Variants in MGAT4C observed in about 807,000 individuals in gnomAD.
MGAT4C encodes the protein MGAT4 family member C.
In MGAT4C, 19 loss-of-function variants were observed where a neutral mutation model predicts 40.1. The ratio of observed to expected loss-of-function variants is 0.47; its 90% CI spans 0.33 to 0.70. The LOEUF (loss-of-function observed/expected upper bound fraction) is 0.70. Ranked by LOEUF, MGAT4C falls within the 30% of genes least tolerant of loss-of-function variation. The probability of loss-of-function intolerance (pLI) is 0.02; values close to 1 mark genes in which losing one functional copy is unlikely to be tolerated. For missense variants in MGAT4C, 491 were observed against 563.2 expected, an observed-to-expected ratio of 0.87 and a Z score of 1.30; for synonymous variants, 181 against 187.1, an observed-to-expected ratio of 0.97 and a Z score of 0.27.
chr12:86,434,386 T>C (rs1957099355), intron 3 of MGAT4C, among the ~76,000 whole-genome samples: 1 of 151,934 alleles, frequency 6.6e-6, no homozygotes, highest in Non-Finnish European at 1.5e-5. Flanking sequence ...AAATTAATTT[T>C]GCTCATGTCA....
chr12:86,481,594 C>T (rs1489411699), intron 2 of MGAT4C, among the ~76,000 whole-genome samples: 2 of 151,928 alleles, frequency 1.3e-5, no homozygotes, highest in African/African-American at 4.8e-5. Flanking sequence ...GAAGCATCTA[C>T]ATGTCCAGCA....
intron 2 of MGAT4C, among the ~76,000 whole-genome samples, chr12:86,034,369 T>A (rs1891028204): frequency 1.3e-5 from 2 of 149,558 alleles, no homozygotes; most frequent in African/African-American, 4.8e-5. Flanking sequence ...TGGCTGTGAA[T>A]CCATCTAGTC....
intron 1 of MGAT4C, among the ~76,000 whole-genome samples, chr12:86,054,881 A>G (rs1366588428): frequency 1.3e-4 from 4 of 30,674 alleles, no homozygotes; most frequent in Admixed American, 4.5e-4. Flanking sequence ...CAGAAAAAAC[A>G]TCTCGGTTTT....
chr12:86,559,838 A>G (rs991637444), intron 2 of MGAT4C, among the ~76,000 whole-genome samples: 1 of 152,022 alleles, frequency 6.6e-6, no homozygotes, highest in Non-Finnish European at 1.5e-5. Context: ...AAACATACAA[A>G]GAATCAGTGA....
At chr12:86,571,511 G>T (rs1174933215) in intron 2 of MGAT4C, among the ~76,000 whole-genome samples, 1 of 152,020 alleles carries the variant, frequency 6.6e-6, no homozygotes, top group East Asian at 1.9e-4. Flanking sequence ...TACTGCAATT[G>T]TTTCAGTAGC....
chr12:86,768,669 G>A (rs564819652), intron 1 of MGAT4C, among the ~76,000 whole-genome samples: 3 of 150,940 alleles, frequency 2.0e-5, no homozygotes, highest in Non-Finnish European at 3.0e-5. Flanking sequence ...CCAAAACAGA[G>A]ATATAGATCA....
chr12:86,148,303 G>GT (rs1250628264), intron 1 of MGAT4C, among the ~76,000 whole-genome samples: 1 of 152,166 alleles, frequency 6.6e-6, no homozygotes, highest in Non-Finnish European at 1.5e-5. Flanking sequence ...GTTTACCTGT[G>GT]TAACAAGCCT....
chr12:86,067,612 C>A (rs897984609), intron 1 of MGAT4C, among the ~76,000 whole-genome samples: 2 of 151,894 alleles, frequency 1.3e-5, no homozygotes, highest in African/African-American at 4.8e-5. Flanking sequence ...ATGTAGATGA[C>A]GGGTTGATGG....
chr12:86,106,344 C>T (rs549195860), intron 1 of MGAT4C, among the ~76,000 whole-genome samples: 5 of 152,116 alleles, frequency 3.3e-5, no homozygotes, highest in African/African-American at 9.6e-5. Context: ...TCTGTTGCCC[C>T]GGCTGGAGTG....
At chr12:86,493,955 CTT>C (rs958648605) in intron 2 of MGAT4C, among the ~76,000 whole-genome samples, 3 of 151,880 alleles carry the variant, frequency 2.0e-5, no homozygotes, top group Admixed American at 2.0e-4. Context: ...TTTTCTCTCT[CTT>C]TTTTTAAGTA....
chr12:86,412,907 G>T (rs904534595), intron 3 of MGAT4C, among the ~76,000 whole-genome samples: 4 of 152,130 alleles, frequency 2.6e-5, no homozygotes, highest in Non-Finnish European at 4.4e-5. Flanking sequence ...AGGTTCTCAC[G>T]ATAGTGAGTG....
intron 2 of MGAT4C, among the ~76,000 whole-genome samples, chr12:86,548,268 G>A (rs921560361): frequency 2.6e-5 from 4 of 151,998 alleles, no homozygotes; most frequent in African/African-American, 9.7e-5. Flanking sequence ...CACACTGGGA[G>A]GGCATTTTTC....
chr12:86,774,312 TTTC>T (rs1213845306), intron 1 of MGAT4C, among the ~76,000 whole-genome samples: 9 of 40,464 alleles, frequency 2.2e-4, no homozygotes, highest in South Asian at 1.4e-3. Context: ...TCTTTCTTTC[TTTC>T]TTTCTTTCTT....
intron 1 of MGAT4C, among the ~76,000 whole-genome samples, chr12:86,185,850 CAA>C (rs1396186039): frequency 6.6e-6 from 1 of 151,852 alleles, no homozygotes; most frequent in African/African-American, 2.4e-5. Flanking sequence ...ATTTCTTAGG[CAA>C]AGAGAAGAGA....
intron 1 of MGAT4C, among the ~76,000 whole-genome samples, chr12:86,139,532 T>G (rs1882529230): frequency 6.6e-6 from 1 of 152,094 alleles, no homozygotes; most frequent in Non-Finnish European, 1.5e-5. Flanking sequence ...GTATAATATT[T>G]CATTATATAA....
intron 3 of MGAT4C, chr12:86,435,119 ACT>A (rs1277530144): frequency 1.3e-5 from 2 of 151,930 alleles, no homozygotes; most frequent in Non-Finnish European, 2.9e-5. Flanking sequence ...TTCTTATCAA[ACT>A]CTCACCATAG....
intron 2 of MGAT4C, among the ~76,000 whole-genome samples, chr12:86,585,226 T>A (rs1960966046): frequency 6.6e-6 from 1 of 151,490 alleles, no homozygotes; most frequent in African/African-American, 2.4e-5. Flanking sequence ...TAATAGCTGC[T>A]TTTAGTATTT....
At chr12:86,197,332 C>T (rs1006259790) in intron 1 of MGAT4C, among the ~76,000 whole-genome samples, 9 of 152,100 alleles carry the variant, frequency 5.9e-5, no homozygotes, top group Non-Finnish European at 4.4e-5. Context: ...TGTGTGTATA[C>T]ATATATACAT....
At chr12:86,521,127 G>A (rs1212951809) in intron 2 of MGAT4C, among the ~76,000 whole-genome samples, 1 of 152,090 alleles carries the variant, frequency 6.6e-6, no homozygotes, top group Non-Finnish European at 1.5e-5. Context: ...TGGCAACTTT[G>A]TCATAAAATA....
Sources: allele counts gnomAD v4.1 joint callset (sites outside exome capture counted in the v4.1 genomes callset), GRCh38; gene constraint gnomAD v4.1.1; transcripts MANE v1.5; gene names NCBI Gene and HGNC (gene_info 2026-07-23, HGNC 2026-07-21).